Variants in SMG6 observed in about 807,000 individuals in gnomAD.
The protein encoded by SMG6 is SMG6 nonsense mediated mRNA decay factor.
Under a neutral mutation model 142.2 loss-of-function variants are expected in SMG6, and 66 were observed. The observed-to-expected ratio is 0.46, with a 90% CI of 0.38 to 0.57. The LOEUF (loss-of-function observed/expected upper bound fraction) is 0.57. Ranked by LOEUF, SMG6 falls within the 20% of genes least tolerant of loss-of-function variation. The pLI is 0.00. For synonymous variants in SMG6, 779 were observed against 702.4 expected (o/e 1.11, Z -1.72); for missense variants, 1,793 against 1,832.0 (o/e 0.98, Z 0.39).
chr17:2,110,063 C>T (rs960608969), intron 13 of SMG6, among the ~76,000 whole-genome samples: 4 of 127,022 alleles, frequency 3.1e-5, no homozygotes, highest in African/African-American at 1.1e-4. Context: ...GTATGGGCGA[C>T]AGAGTGAGAT....
At chr17:2,170,698 G>A (rs2071477027) in intron 13 of SMG6, among the ~76,000 whole-genome samples, 1 of 152,202 alleles carries the variant, frequency 6.6e-6, no homozygotes, top group South Asian at 2.1e-4. Context: ...TTCCCAAGAT[G>A]TAGTAGCCAT....
Position 2,071,742 on chromosome 17 carries a change from G to A in SMG6, c.3682-2811C>T, listed in dbSNP as rs572228840. 9.5e-5 allele frequency among the ~76,000 whole-genome samples: 2 copies of A among 21,074 alleles called. No homozygotes were observed. The highest frequency in any genetic ancestry group is 1.3e-3 in the South Asian group (1 of 794). 13.8% of individuals were successfully genotyped at this position (21,074 alleles called of 152,430 possible). ...TGGGGTACCGGTGGGCCTCTGGGCG[G>A]GGGGGGTCACACCTGGGTCACAAGA... On this transcript the variant is annotated intron_variant, in intron 15 of 18. Coordinates refer to ENST00000263073, the MANE Select transcript of SMG6 (RefSeq NM_017575.5). This position sits in a 1 kb window ranked among gnomAD's most constrained non-coding sequence, Gnocchi z 5.6.
At chr17:2,295,498 C>T (rs1013140170) in intron 4 of SMG6, among the ~76,000 whole-genome samples, 25 of 152,208 alleles carry the variant, frequency 1.6e-4, no homozygotes, top group African/African-American at 6.0e-4. Context: ...TCTCTCTTCA[C>T]TACAATCCGG....
chr17:2,069,218 T>C (rs1370827444), intron 15 of SMG6, among the ~76,000 whole-genome samples: 1 of 152,162 alleles, frequency 6.6e-6, no homozygotes, highest in Admixed American at 6.5e-5. Context: ...AAAGTAAGAC[T>C]GGGACTCAAA....
rs189383506 is a variant in SMG6, at chr17:2,138,800, C to T, written c.3357+33858G>A. 8.5e-5 allele frequency among the ~76,000 whole-genome samples: 13 copies of T among 152,286 alleles called. No homozygotes were observed. The East Asian group carries it at 2.5e-3, about 29-fold the overall frequency. On this transcript the variant is annotated intron_variant, in intron 13 of 18. Transcript: ENST00000263073. ...TGATATAATTATCTCCTAGAAATTA[C>T]TGTATGTAGCCTCTTGGGATCTAAA...
intron 10 of SMG6, chr17:2,212,587 C>G (rs891280825): frequency 6.6e-6 from 1 of 152,166 alleles, no homozygotes; most frequent in Non-Finnish European, 1.5e-5. Context: ...TCAGTCCAAC[C>G]AGTCAAGAGA....
intron 10 of SMG6, among the ~76,000 whole-genome samples, chr17:2,198,173 A>C (rs953327327): frequency 1.2e-4 from 18 of 152,268 alleles, no homozygotes; most frequent in Non-Finnish European, 2.9e-5. Flanking sequence ...AGGAATGAAC[A>C]ACCAATACGT....
At chr17:2,280,270 C>CT (rs199608381) in intron 8 of SMG6, among the ~76,000 whole-genome samples, 2,973 of 148,544 alleles carry the variant, frequency 0.02, 58 homozygotes, top group South Asian at 0.072. Context: ...ATTTCTTTTT[C>CT]TTTTTTTTTT....
intron 13 of SMG6, chr17:2,087,112 TTC>T (rs1339925763): frequency 2.3e-6 from 3 of 1,290,294 alleles, no homozygotes; most frequent in East Asian, 5.5e-5. Context: ...GGTGCAGGTG[TTC>T]TCTCTCTCAT....
intron 10 of SMG6, among the ~76,000 whole-genome samples, chr17:2,200,526 G>GA (rs59613514): frequency 2.2e-3 from 301 of 137,512 alleles, no homozygotes; most frequent in Middle Eastern, 7.2e-3. Flanking sequence ...ACCCACGACA[G>GA]AAAAAAAAAA....
rs34047637 is a variant in SMG6, at chr17:2,299,029, T to C, written c.1724A>G (p.Asn575Ser). The C allele has an allele frequency of 0.038, 60,758 of 1,614,094 alleles. 1,376 individuals are homozygous for C. Among genetic ancestry groups the C allele is most frequent in the Middle Eastern group, 0.073 (442 of 6,062 alleles). Residue 575 changes from asparagine (N) to serine (S), a missense_variant, in exon 2 of 19, where the codon AAC becomes AGC. Physicochemically the swap from Asn to Ser is conservative, Grantham distance 46. Coordinates refer to ENST00000263073, the MANE Select transcript of SMG6 (RefSeq NM_017575.5). The surrounding 1 kb of genome is among the most constrained non-coding windows in gnomAD (Gnocchi z 4.3). ...CCTGTGCAGCTCCTGTTGCTGCAGGTTCCTCATGTGCTGCTCTACCTCCTC... is the reference window on the plus strand; with the variant it reads ...CCTGTGCAGCTCCTGTTGCTGCAGGCTCCTCATGTGCTGCTCTACCTCCTC... Reference protein sequence around the residue: ...SPEEVEQHMRNLQQQELHRLL... With the variant: ...SPEEVEQHMRSLQQQELHRLL...
chr17:2,296,823 C>T (rs951846103), intron 4 of SMG6, among the ~76,000 whole-genome samples: 3 of 151,886 alleles, frequency 2.0e-5, no homozygotes, highest in Non-Finnish European at 4.4e-5. Context: ...ATGAAACCCC[C>T]GTCTCTACAA....
intron 10 of SMG6, among the ~76,000 whole-genome samples, chr17:2,192,045 T>A (rs181889142): frequency 2.6e-5 from 4 of 152,276 alleles, no homozygotes. Context: ...CTCCCACCAG[T>A]ATGTGTGCGA....
intron 8 of SMG6, among the ~76,000 whole-genome samples, chr17:2,256,410 G>A (rs753119329): frequency 6.6e-6 from 1 of 151,934 alleles, no homozygotes; most frequent in Non-Finnish European, 1.5e-5. Flanking sequence ...AGTGGTTCTA[G>A]TTCCAAGTAA....
chr17:2,114,975 A>AAAAAAATG (rs1567609110), intron 13 of SMG6, among the ~76,000 whole-genome samples: 17 of 79,786 alleles, frequency 2.1e-4, no homozygotes, highest in African/African-American at 1.0e-3. Context: ...GAAATGAAAT[A>AAAAAAATG]AAATAAAATA....
chr17:2,297,250 C>G lies in SMG6; in HGVS notation c.2144G>C (p.Arg715Pro). 6.2e-7 allele frequency: 1 copy of G among 1,600,816 alleles called. No individual in the cohort carries two copies. Among genetic ancestry groups the G allele is most frequent in the Non-Finnish European group, 8.5e-7 (1 of 1,174,968 alleles). Residue 715 changes from arginine (R) to proline (P), a missense_variant, in exon 4 of 19, where the codon CGC becomes CCC. By Grantham distance (103) the Arg-to-Pro change is moderately radical. Around this residue, in one of 3 missense-constraint regions of SMG6, gnomAD observed 1,597 missense variants for 1,584.6 expected, o/e 1.01. Transcript: ENST00000263073. ...ATAAAGAAGGTAGCTTACTGTCTTG[C>G]GTAATGGCTTGCTGCGAATGGCAAG... The part of the protein sequence containing the change: ...DGLAIRSKPL[R>P]KTVKYALISA...
intron 15 of SMG6, among the ~76,000 whole-genome samples, chr17:2,079,217 G>C (rs2068342545): frequency 6.6e-6 from 1 of 152,184 alleles, no homozygotes; most frequent in Non-Finnish European, 1.5e-5. Context: ...ACCCACCGTG[G>C]CCTCCCAAAG....
At chr17:2,225,426 C>T (rs963927540) in intron 10 of SMG6, among the ~76,000 whole-genome samples, 1 of 152,030 alleles carries the variant, frequency 6.6e-6, no homozygotes, top group African/African-American at 2.4e-5. Flanking sequence ...CTGCTTGAAC[C>T]TGTGAGGCAG....
At chr17:2,296,401 G>A (rs1265158541) in intron 4 of SMG6, among the ~76,000 whole-genome samples, 1 of 152,090 alleles carries the variant, frequency 6.6e-6, no homozygotes, top group African/African-American at 2.4e-5. Flanking sequence ...GGCCCCACCA[G>A]GCTACGTTAG....
Sources: gnomAD v4.1 joint callset for allele counts (sites outside exome capture counted in the v4.1 genomes callset) on GRCh38, gnomAD v4.1.1 for gene constraint, gnomAD v4.1.1 regional missense constraint, Gnocchi (gnomAD v3.1) non-coding constraint, MANE v1.5 for transcripts, NCBI Gene and HGNC (gene_info 2026-07-23, HGNC 2026-07-21) for gene names.